Variants in SYN3 observed in about 807,000 individuals in gnomAD.
The protein encoded by SYN3 is synapsin-3.
Under a neutral mutation model 65.8 loss-of-function variants are expected in SYN3, and 35 were observed. That is an observed-to-expected ratio of 0.53 (90% confidence interval 0.41 to 0.70). The LOEUF (loss-of-function observed/expected upper bound fraction) is 0.70. Among genes scored for constraint, SYN3 ranks in the 30% least tolerant of loss-of-function variants. The probability of loss-of-function intolerance (pLI) is 0.00; values close to 1 mark genes in which losing one functional copy is unlikely to be tolerated. For missense variants in SYN3, 680 were observed against 749.0 expected, an observed-to-expected ratio of 0.91 and a Z score of 1.08; for synonymous variants, 270 against 292.9, an observed-to-expected ratio of 0.92 and a Z score of 0.80.
intron 1 of SYN3, among the ~76,000 whole-genome samples, chr22:33,019,485 C>G (rs2053526201): frequency 6.6e-6 from 1 of 152,146 alleles, no homozygotes; most frequent in Non-Finnish European, 1.5e-5. Context: ...GCCTCAGTTT[C>G]CTCATCTGTA....
intron 3 of SYN3, among the ~76,000 whole-genome samples, chr22:32,963,242 A>ATTT (rs59829876): frequency 1.8e-5 from 2 of 111,826 alleles, no homozygotes; most frequent in African/African-American, 3.6e-5. Context: ...TGCCTGGCTA[A>ATTT]TTTTTTTTTT....
Position 32,554,541 on chromosome 22 carries a change from T to A in SYN3, c.775-12828A>T, listed in dbSNP as rs558375758. Among the ~76,000 whole-genome samples, 40 of 152,246 alleles carry A rather than the reference T, an allele frequency of 2.6e-4. 1 individual carries two copies. The highest frequency in any genetic ancestry group is 9.4e-4 in the African/African-American group (39 of 41,542). ...GTTTAAAAATGCAAGCTCTCTGTCC[T>A]TAGGCATCCTTAGTCACCTGCTCTG... On this transcript the variant is annotated intron_variant, in intron 7 of 13. Coordinates refer to ENST00000358763, the MANE Select transcript of SYN3 (RefSeq NM_003490.4).
intron 5 of SYN3, among the ~76,000 whole-genome samples, chr22:32,868,533 C>T (rs186650941): frequency 0.011 from 1,653 of 151,944 alleles, 5 homozygotes; most frequent in Non-Finnish European, 0.018. Flanking sequence ...CTCCGCCTCC[C>T]GGGTTCAAGC....
chr22:33,027,835 A>C (rs1377984356), intron 1 of SYN3, among the ~76,000 whole-genome samples: 1 of 152,254 alleles, frequency 6.6e-6, no homozygotes, highest in African/African-American at 2.4e-5. Flanking sequence ...CAGAGGATCC[A>C]GTTCAACAAC....
intron 4 of SYN3, among the ~76,000 whole-genome samples, chr22:32,885,567 C>CTT (rs5845047): frequency 1.4e-5 from 2 of 147,346 alleles, no homozygotes; most frequent in African/African-American, 5.0e-5. Context: ...CTTCCCTTTC[C>CTT]TTTTTTTTTT....
At chr22:33,004,232 G>A (rs983535496) in intron 2 of SYN3, among the ~76,000 whole-genome samples, 1 of 152,206 alleles carries the variant, frequency 6.6e-6, no homozygotes, top group East Asian at 1.9e-4. Context: ...CTGCCTAGTG[G>A]AGCTGTAAGA....
chr22:32,981,750 C>T (rs75686154), intron 2 of SYN3, among the ~76,000 whole-genome samples: 2,198 of 152,140 alleles, frequency 0.014, 53 homozygotes, highest in African/African-American at 0.05. Flanking sequence ...AACACCAATA[C>T]GTACCCCATA....
At chr22:32,919,524 C>A (rs1225010068) in intron 4 of SYN3, among the ~76,000 whole-genome samples, 1 of 152,146 alleles carries the variant, frequency 6.6e-6, no homozygotes, top group Non-Finnish European at 1.5e-5. Flanking sequence ...GAACACTTTT[C>A]CAAACACACA....
rs111308299 is a variant in SYN3, at chr22:32,510,984, CGTGTGTGT to C, written c.*2700_*2707del. Among the ~76,000 whole-genome samples, 18 of 143,028 alleles carry C rather than the reference CGTGTGTGT, an allele frequency of 1.3e-4. No homozygotes were observed. Among genetic ancestry groups the C allele is most frequent in the East Asian group, 8.2e-4 (4 of 4,880 alleles). 93.8% of individuals were successfully genotyped at this position (143,028 alleles called of 152,430 possible). Reference sequence around the variant, plus strand: ...TGTCAATTCCAAGTTATTGTCCAGGCGTGTGTGTGTGTGTGTGTGTGTGTGTGTGTGTA... The same window carrying C: ...TGTCAATTCCAAGTTATTGTCCAGGCGTGTGTGTGTGTGTGTGTGTGTGTA... On this transcript the variant is annotated 3_prime_UTR_variant, in exon 14 of 14. Transcript: ENST00000358763.
chr22:32,658,618 A>G (rs1442353241), intron 6 of SYN3, among the ~76,000 whole-genome samples: 1 of 152,234 alleles, frequency 6.6e-6, no homozygotes, highest in Non-Finnish European at 1.5e-5. Context: ...GGCAGGTACC[A>G]TGATCAACAG....
intron 13 of SYN3, among the ~76,000 whole-genome samples, chr22:32,517,029 A>G (rs957991782): frequency 1.3e-5 from 2 of 152,214 alleles, no homozygotes; most frequent in African/African-American, 4.8e-5. Context: ...ACAAACCAAG[A>G]GATGGGCCTG....
rs2157202 is a variant in SYN3 at position 32,525,603 on chromosome 22, G to A, written c.1318+2315C>T. ...TGGGCACCTGTAGTCCCAGCTACTCGGGAGGCTGAGGCAGGAGAATGGCAT... is the reference window on the plus strand; with the variant it reads ...TGGGCACCTGTAGTCCCAGCTACTCAGGAGGCTGAGGCAGGAGAATGGCAT... On this transcript the variant is annotated intron_variant, in intron 12 of 13. Coordinates refer to ENST00000358763, the MANE Select transcript of SYN3 (RefSeq NM_003490.4). 9.3e-3 allele frequency among the ~76,000 whole-genome samples: 1,420 copies of A among 151,888 alleles called. 9 individuals are homozygous for A. Among genetic ancestry groups the A allele is most frequent in the Middle Eastern group, 0.017 (5 of 294 alleles).
intron 1 of SYN3, among the ~76,000 whole-genome samples, chr22:33,033,138 G>A (rs1004252181): frequency 4.6e-5 from 7 of 151,652 alleles, no homozygotes; most frequent in African/African-American, 9.7e-5. Context: ...CCACCACCAC[G>A]CCCAGCTAAT....
In SYN3 at chr22:32,571,407, A is replaced by G. The variant is rs561463451; in HGVS notation, c.774+25267T>C. Reference sequence around the variant, plus strand: ...GGATTTATGTGGCACCCTGGCCACCAGGGGCAAAGCCTCAGGCCTTTTGCT... The same window carrying G: ...GGATTTATGTGGCACCCTGGCCACCGGGGGCAAAGCCTCAGGCCTTTTGCT... On this transcript the variant is annotated intron_variant, in intron 7 of 13. Transcript: ENST00000358763. Among the ~76,000 whole-genome samples the G allele has an allele frequency of 5.9e-5, 9 of 152,310 alleles. No homozygotes were observed. In the East Asian group the frequency reaches 1.2e-3, roughly 20 times the overall value.
rs148426847 is a variant in SYN3, at chr22:32,962,632, C to T, written c.369+18013G>A. Among the ~76,000 whole-genome samples the T allele has an allele frequency of 2.1e-3, 327 of 152,256 alleles. 1 individual carries two copies. The highest frequency in any genetic ancestry group is 7.0e-3 in the African/African-American group (292 of 41,532). The stretch of plus-strand genomic sequence containing the variant: ...GAGCATGGGCAGCTTGGGAGCCAGA[C>T]GGAAGCCAGACAGACAGGAGTTCAA... On this transcript the variant is annotated intron_variant, in intron 3 of 13. Coordinates refer to ENST00000358763, the MANE Select transcript of SYN3 (RefSeq NM_003490.4).
At chr22:32,532,092 T>TG (rs1359346314) in intron 10 of SYN3, among the ~76,000 whole-genome samples, 1 of 152,212 alleles carries the variant, frequency 6.6e-6, no homozygotes, top group Non-Finnish European at 1.5e-5. Flanking sequence ...AGCTGGCCTT[T>TG]GGGGGTCAGG....
chr22:32,721,551 G>A (rs2061118364), intron 6 of SYN3, among the ~76,000 whole-genome samples: 1 of 152,148 alleles, frequency 6.6e-6, no homozygotes, highest in Admixed American at 6.5e-5. Flanking sequence ...TTATCAATGG[G>A]CAAATTGAAG....
In SYN3 at chr22:33,047,741, C is replaced by T. The variant is rs367928221; in HGVS notation, c.-163+10551G>A. Among the ~76,000 whole-genome samples, 7 of 151,446 alleles carry T rather than the reference C, an allele frequency of 4.6e-5. 1 individual carries two copies. The highest frequency in any genetic ancestry group is 3.9e-4 in the East Asian group (2 of 5,148). ...AAAACACCTCTCTGTAACACCTTTC[C>T]AAGGAGAATGAATACATGAGCATTT... On this transcript the variant is annotated intron_variant, in intron 1 of 13. Transcript: ENST00000358763.
At chr22:32,787,702 A>C (rs1912403063) in intron 6 of SYN3, among the ~76,000 whole-genome samples, 2 of 152,220 alleles carry the variant, frequency 1.3e-5, no homozygotes, top group Admixed American at 6.5e-5. Context: ...CATTTTAATA[A>C]GTTTTTTTCA....
Sources: allele counts gnomAD v4.1 joint callset (sites outside exome capture counted in the v4.1 genomes callset), GRCh38; gene constraint gnomAD v4.1.1; transcripts MANE v1.5; gene names NCBI Gene and HGNC (gene_info 2026-07-23, HGNC 2026-07-21).